GRID2: variants seen among roughly 807,000 people sequenced by gnomAD.
GRID2 encodes glutamate receptor ionotropic, delta-2.
A neutral mutation model predicts 114.8 loss-of-function variants in GRID2; 33 were observed. The observed-to-expected ratio is 0.29, with a 90% CI of 0.22 to 0.38. The LOEUF (loss-of-function observed/expected upper bound fraction) is 0.38, where lower values mean the gene tolerates loss of function less well. Among genes scored for constraint, GRID2 ranks in the 10% least tolerant of loss-of-function variants. The pLI is 1.00. For missense variants in GRID2, 1,184 were observed against 1,257.7 expected (o/e 0.94, Z 0.89); for synonymous variants, 505 against 449.9 (o/e 1.12, Z -1.55).
chr4:92,808,892 A>T (rs1740541735), intron 2 of GRID2, among the ~76,000 whole-genome samples: 1 of 151,902 alleles, frequency 6.6e-6, no homozygotes, highest in African/African-American at 2.4e-5. Flanking sequence ...TTATGCTAGG[A>T]TAAGTGAAGA....
chr4:92,687,317 A>G (rs773777588), intron 2 of GRID2, among the ~76,000 whole-genome samples: 12 of 152,096 alleles, frequency 7.9e-5, no homozygotes, highest in Non-Finnish European at 1.2e-4. Flanking sequence ...CCAGAAATAT[A>G]TATACACAGA....
chr4:92,939,894 C>A (rs1750970480), intron 2 of GRID2, among the ~76,000 whole-genome samples: 1 of 146,900 alleles, frequency 6.8e-6, no homozygotes, highest in South Asian at 2.3e-4. Context: ...AGCATTATTT[C>A]TGAGGGCTCT....
intron 13 of GRID2, among the ~76,000 whole-genome samples, chr4:93,520,271 G>C (rs1730200409): frequency 6.6e-6 from 1 of 152,026 alleles, no homozygotes; most frequent in South Asian, 2.1e-4. Context: ...AGATTATATT[G>C]TAGTGAAGAG....
At chr4:93,778,677 C>T (rs72875983), downstream of GRID2, among the ~76,000 whole-genome samples, 3,760 of 152,182 alleles carry the variant, frequency 0.025, 149 homozygotes, top group African/African-American at 0.086. Flanking sequence ...AGATTACAGG[C>T]GTGAGCCACC....
At position 92,943,450 on chromosome 4, in the gene GRID2, C is replaced by G. The variant is rs1047240996; in HGVS notation, c.245-141545C>G. The stretch of plus-strand genomic sequence containing the variant: ...TCCATCAGGTCGTTTAAAGACTTCT[C>G]TGCATTGGTTATTTTATTTAGCCAT... On this transcript the variant is annotated intron_variant, in intron 2 of 15. Transcript: ENST00000282020. 9.2e-5 allele frequency among the ~76,000 whole-genome samples: 14 copies of G among 152,272 alleles called. 1 individual carries two copies. Among genetic ancestry groups the G allele is most frequent in the African/African-American group, 3.4e-4 (14 of 41,546 alleles).
intron 1 of GRID2, among the ~76,000 whole-genome samples, chr4:92,392,196 T>C (rs1730273092): frequency 6.6e-6 from 1 of 152,130 alleles, no homozygotes; most frequent in Non-Finnish European, 1.5e-5. Context: ...CCCTGATCCT[T>C]TGAAAAGTAA....
intron 2 of GRID2, among the ~76,000 whole-genome samples, chr4:92,826,808 C>T (rs1741736891): frequency 6.6e-6 from 1 of 152,028 alleles, no homozygotes; most frequent in South Asian, 2.1e-4. Context: ...ATGAGTTTTT[C>T]ATATAACAAT....
intron 2 of GRID2, among the ~76,000 whole-genome samples, chr4:92,621,013 A>G (rs941342028): frequency 6.7e-6 from 1 of 148,698 alleles, no homozygotes; most frequent in African/African-American, 2.5e-5. Context: ...AAAAAAAAAG[A>G]ATTTTAACCC....
At chr4:93,792,937 G>T (rs941997833) in intron 1 of GRID2, among the ~76,000 whole-genome samples, 6 of 152,120 alleles carry the variant, frequency 3.9e-5, no homozygotes, top group African/African-American at 1.2e-4. Flanking sequence ...AGGACGTCAG[G>T]TTCCACAGAT....
intron 4 of GRID2, among the ~76,000 whole-genome samples, chr4:93,130,972 G>A (rs1490799283): frequency 6.6e-6 from 1 of 151,938 alleles, no homozygotes; most frequent in Non-Finnish European, 1.5e-5. Context: ...CTATGAGAGT[G>A]TCTCACATTG....
intron 8 of GRID2, among the ~76,000 whole-genome samples, chr4:93,299,866 A>T (rs1339762215): frequency 6.6e-6 from 1 of 152,178 alleles, no homozygotes; most frequent in Non-Finnish European, 1.5e-5. Context: ...TAAGAATACA[A>T]GTATGCTTCA....
intron 1 of GRID2, among the ~76,000 whole-genome samples, chr4:92,581,911 T>C (rs1353040704): frequency 2.0e-5 from 3 of 152,106 alleles, no homozygotes; most frequent in African/African-American, 7.2e-5. Flanking sequence ...TTCTACACTA[T>C]ATCATAACTA....
At chr4:93,378,622 A>G (rs960368045) in intron 8 of GRID2, among the ~76,000 whole-genome samples, 2 of 152,076 alleles carry the variant, frequency 1.3e-5, no homozygotes, top group African/African-American at 4.8e-5. Context: ...ATTTAAGTGG[A>G]TATTTATTAA....
Position 93,216,907 on chromosome 4 carries a change from T to A in GRID2, c.959T>A (p.Met320Lys). The A allele has an allele frequency of 6.2e-7, 1 of 1,605,254 alleles. No homozygotes were observed. The highest frequency in any genetic ancestry group is 1.1e-5 in the South Asian group (1 of 90,796). Residue 320 changes from methionine (M) to lysine (K), a missense_variant, in exon 6 of 16, where the codon ATG becomes AAG. By Grantham distance (95) the Met-to-Lys change is moderately conservative (BLOSUM62 -1). Coordinates refer to ENST00000282020, the MANE Select transcript of GRID2 (RefSeq NM_001510.4). ...CCAAAGGATCCATTTGCTCAGAATA[T>A]GGAGGTATATTATAAATGACAGGAT... is the stretch of plus-strand genomic sequence containing the variant. Reference protein sequence around the residue: ...CDPKDPFAQNMEISNLYIYDT... With the variant: ...CDPKDPFAQNKEISNLYIYDT...
intron 1 of GRID2, among the ~76,000 whole-genome samples, chr4:92,400,349 A>G (rs570104246): frequency 1.4e-4 from 22 of 152,308 alleles, no homozygotes; most frequent in Admixed American, 6.5e-4. Flanking sequence ...CACAAATAGA[A>G]TCATGCAATA....
intron 2 of GRID2, among the ~76,000 whole-genome samples, chr4:93,048,920 G>C (rs1456488051): frequency 6.6e-6 from 1 of 152,068 alleles, no homozygotes; most frequent in Non-Finnish European, 1.5e-5. Context: ...GGAAAACACA[G>C]AGTTATTGAG....
chr4:93,152,078 T>C (rs1406960610), intron 4 of GRID2, among the ~76,000 whole-genome samples: 1 of 152,106 alleles, frequency 6.6e-6, no homozygotes, highest in Non-Finnish European at 1.5e-5. Flanking sequence ...TAATGAACAT[T>C]CAAGGAAGGG....
At chr4:92,822,604 A>C (rs770899724) in intron 2 of GRID2, 2 of 231,038 alleles carry the variant, frequency 8.7e-6, no homozygotes, top group Non-Finnish European at 1.8e-5. Flanking sequence ...GCCACACTCA[A>C]CACGTCCTTG....
At chr4:92,535,174 T>C (rs1409614846) in intron 1 of GRID2, among the ~76,000 whole-genome samples, 1 of 152,158 alleles carries the variant, frequency 6.6e-6, no homozygotes, top group Non-Finnish European at 1.5e-5. Flanking sequence ...CTGTAATTAT[T>C]CTGGTACACT....
Sources: allele counts gnomAD v4.1 joint callset (sites outside exome capture counted in the v4.1 genomes callset), GRCh38; gene constraint gnomAD v4.1.1; transcripts MANE v1.5; gene names NCBI Gene and HGNC (gene_info 2026-07-23, HGNC 2026-07-21).